NUFIP2: variants seen among roughly 807,000 people sequenced by gnomAD.
NUFIP2 encodes FMR1-interacting protein NUFIP2.
A neutral mutation model predicts 56.9 loss-of-function variants in NUFIP2; 6 were observed. The observed-to-expected ratio is 0.11, with a 90% CI of 0.06 to 0.21. The LOEUF (loss-of-function observed/expected upper bound fraction) is 0.21. Among genes scored for constraint, NUFIP2 ranks in the 10% least tolerant of loss-of-function variants. NUFIP2 has a pLI of 1.00. For missense variants in NUFIP2, 828 were observed against 826.8 expected (o/e 1.00, Z -0.02); for synonymous variants, 321 against 298.2 (o/e 1.08, Z -0.79).
chr17:29,273,700 TA>T (rs943265344), intron 2 of NUFIP2, among the ~76,000 whole-genome samples: 3 of 152,212 alleles, frequency 2.0e-5, no homozygotes, highest in Non-Finnish European at 2.9e-5. Context: ...AGAACCTAAG[TA>T]AAAGTTTTTG....
intron 1 of NUFIP2, among the ~76,000 whole-genome samples, chr17:29,292,494 G>A (rs2069220861): frequency 1.3e-5 from 2 of 151,586 alleles, no homozygotes; most frequent in South Asian, 2.1e-4. Flanking sequence ...AGCGAACCTG[G>A]CAGGAGACGA....
At position 29,287,596 on chromosome 17, in the gene NUFIP2, G is replaced by C; in HGVS notation, c.398C>G (p.Thr133Ser). The change falls in exon 2 of 4, where the codon ACT becomes AGT. Residue 133 changes from threonine to serine, a missense_variant. Transcript: ENST00000225388. The stretch of plus-strand genomic sequence containing the variant: ...GGCCTTTACAGTCTGCTTCAGGCTA[G>C]TGTCTACAACTTGCTGGTTGCCATT... ...VLNGNQQVVDTSLKQTVKANT... is the reference protein window; with the variant it reads ...VLNGNQQVVDSSLKQTVKANT... The C allele has an allele frequency of 1.2e-6, 2 of 1,614,124 alleles. No individual in the cohort carries two copies.
Position 29,256,150 on chromosome 17 carries a change from C to T in NUFIP2, c.*8389G>A, listed in dbSNP as rs1404569881. 6.6e-6 allele frequency: 1 copy of T among 152,162 alleles called. No individual in the cohort carries two copies. Among genetic ancestry groups the T allele is most frequent in the African/African-American group, 2.4e-5 (1 of 41,446 alleles). The allele number at this position is 152,162 out of a possible 1,614,324, so 9.4% of individuals were successfully genotyped here. ...GACCTATATTTTTGACTGGGCAAAA[C>T]AAACATTGAAACTTTTTTTTGAGCG... On this transcript the variant is annotated 3_prime_UTR_variant, in exon 4 of 4. Coordinates refer to ENST00000225388, the MANE Select transcript of NUFIP2 (RefSeq NM_020772.3).
chr17:29,282,638 T>A (rs373922731), intron 2 of NUFIP2, among the ~76,000 whole-genome samples: 36 of 152,060 alleles, frequency 2.4e-4, no homozygotes, highest in African/African-American at 8.4e-4. Flanking sequence ...AGAAGTGACA[T>A]AACGCACTCT....
rs1000709280 is a variant in NUFIP2, at chr17:29,260,469, G to C, written c.*4070C>G. 3.3e-5 allele frequency: 5 copies of C among 152,192 alleles called. No homozygotes were observed. Among genetic ancestry groups the C allele is most frequent in the Non-Finnish European group, 7.3e-5 (5 of 68,042 alleles). The allele number at this position is 152,192 out of a possible 1,614,324, so 9.4% of individuals were successfully genotyped here. The stretch of plus-strand genomic sequence containing the variant: ...GACTTTTAATCTATTTCTCTGAAGA[G>C]AGCCTTGTAGGAATGACTCCGTCCT... On this transcript the variant is annotated 3_prime_UTR_variant, in exon 4 of 4. Coordinates refer to ENST00000225388, the MANE Select transcript of NUFIP2 (RefSeq NM_020772.3).
rs954989434 is a variant in NUFIP2 at position 29,257,190 on chromosome 17, T to C, written c.*7349A>G. The C allele has an allele frequency of 1.3e-5, 2 of 152,228 alleles. No homozygotes were observed. The highest frequency in any genetic ancestry group is 2.9e-5 in the Non-Finnish European group (2 of 68,026). 9.4% of individuals were successfully genotyped at this position (152,228 alleles called of 1,614,324 possible). On this transcript the variant is annotated 3_prime_UTR_variant, in exon 4 of 4. Coordinates refer to ENST00000225388, the MANE Select transcript of NUFIP2 (RefSeq NM_020772.3). The stretch of plus-strand genomic sequence containing the variant: ...TCGTTTAAATTGAACTTTATTAAAA[T>C]AGGTGCCAGTTTTCCTCTCTCCTAG...
rs757762030 is a variant in NUFIP2, at chr17:29,256,664, T to TA, written c.*7874dup. ...TCTCCTACAAAGGTCCTGAACCAAT[T>TA]AAAAAAAAAAAAACTTTAAAAAAGA... On this transcript the variant is annotated 3_prime_UTR_variant, in exon 4 of 4. Coordinates refer to ENST00000225388, the MANE Select transcript of NUFIP2 (RefSeq NM_020772.3). 375 of 144,074 alleles carry TA rather than the reference T, an allele frequency of 2.6e-3. No homozygotes were observed. The highest frequency in any genetic ancestry group is 5.8e-3 in the East Asian group (29 of 5,004). 8.9% of individuals were successfully genotyped at this position (144,074 alleles called of 1,614,324 possible). A position where few individuals can be genotyped will look rare whatever the true frequency, so the allele number is the denominator to read the frequency against.
At chr17:29,265,711 T>TA (rs35098158) in intron 3 of NUFIP2, among the ~76,000 whole-genome samples, 3,933 of 112,116 alleles carry the variant, frequency 0.035, 93 homozygotes, top group Non-Finnish European at 0.049. Context: ...TATACATGCT[T>TA]AAAAAAAAAA....
At position 29,261,962 on chromosome 17, in the gene NUFIP2, CAG is replaced by C. The variant is rs143960646; in HGVS notation, c.*2575_*2576del. The C allele has an allele frequency of 0.17, 25,576 of 152,412 alleles. 2,872 individuals are homozygous for C. Among genetic ancestry groups the C allele is most frequent in the East Asian group, 0.54 (2,764 of 5,146 alleles). The allele number at this position is 152,412 out of a possible 1,614,324, so 9.4% of individuals were successfully genotyped here. ...AGACTCTCAAAAACCTTTGGACAGACAGAGAAGTGATACATTCTTTTTGGCTT... is the reference window on the plus strand; with the variant it reads ...AGACTCTCAAAAACCTTTGGACAGACAGAAGTGATACATTCTTTTTGGCTT... On this transcript the variant is annotated 3_prime_UTR_variant, in exon 4 of 4. Coordinates refer to ENST00000225388, the MANE Select transcript of NUFIP2 (RefSeq NM_020772.3).
At chr17:29,267,574 A>G (rs777976449) in intron 2 of NUFIP2, 44 bp from the exon 3 acceptor site, 4 of 1,224,646 alleles carry the variant, frequency 3.3e-6, no homozygotes, top group Non-Finnish European at 4.7e-6. Flanking sequence ...TTTGGTGAGC[A>G]AAGTCTGAAG....
At chr17:29,279,343 T>A (rs888980815) in intron 2 of NUFIP2, among the ~76,000 whole-genome samples, 8 of 152,140 alleles carry the variant, frequency 5.3e-5, no homozygotes, top group Non-Finnish European at 1.0e-4. Context: ...AAAAGCTTTT[T>A]AAAAAATTTT....
At chr17:29,276,032 A>ATATATATATATATATATC (rs1334539047) in intron 2 of NUFIP2, among the ~76,000 whole-genome samples, 6 of 147,354 alleles carry the variant, frequency 4.1e-5, no homozygotes, top group African/African-American at 1.5e-4. Flanking sequence ...CGTCTCAAAT[A>ATATATATATATATATATC]TATATATATA....
chr17:29,283,699 A>G (rs2069153652), intron 2 of NUFIP2, among the ~76,000 whole-genome samples: 1 of 152,230 alleles, frequency 6.6e-6, no homozygotes, highest in South Asian at 2.1e-4. Context: ...AATAGTCTCT[A>G]GAGGGCAGAC....
chr17:29,257,225 T>C lies in NUFIP2; in HGVS notation c.*7314A>G, dbSNP rs1219870208. 1 of 152,204 alleles carries C rather than the reference T, an allele frequency of 6.6e-6. No individual in the cohort carries two copies. Among genetic ancestry groups the C allele is most frequent in the East Asian group, 1.9e-4 (1 of 5,202 alleles). 9.4% of individuals were successfully genotyped at this position (152,204 alleles called of 1,614,324 possible). ...TTTTCCTCTCTCCTAGTTCCACTGA[T>C]GAGCTAGCCCAGAACTATGTAACTT... On this transcript the variant is annotated 3_prime_UTR_variant, in exon 4 of 4. Coordinates refer to ENST00000225388, the MANE Select transcript of NUFIP2 (RefSeq NM_020772.3).
chr17:29,287,180 G>C lies in NUFIP2; in HGVS notation c.814C>G (p.Arg272Gly), dbSNP rs2069182348. The change falls in exon 2 of 4, where the codon CGA becomes GGA. Residue 272 changes from arginine to glycine, a missense_variant. Arg to Gly is a moderately radical substitution (Grantham distance 125). Transcript: ENST00000225388. ...CAAATGGGCTTCGAACCATCTACTC[G>C]ATTTCCCTTTTGTTCACTATAGTCA... ...KPDYSEQKGNRVDGSKPIWKY... is the reference protein window; with the variant it reads ...KPDYSEQKGNGVDGSKPIWKY... 1 of 1,613,920 alleles carries C rather than the reference G, an allele frequency of 6.2e-7. No individual in the cohort carries two copies. Among genetic ancestry groups the C allele is most frequent in the African/African-American group, 1.3e-5 (1 of 74,876 alleles).
chr17:29,279,783 G>A (rs1484405289), intron 2 of NUFIP2, among the ~76,000 whole-genome samples: 1 of 152,080 alleles, frequency 6.6e-6, no homozygotes, highest in African/African-American at 2.4e-5. Context: ...AAAATGCTAG[G>A]ATTATAGGCA....
At chr17:29,274,362 A>G (rs533224968) in intron 2 of NUFIP2, among the ~76,000 whole-genome samples, 3 of 152,276 alleles carry the variant, frequency 2.0e-5, no homozygotes, top group South Asian at 2.1e-4. Context: ...AGTCTCAGCT[A>G]CTCAGGAGGC....
chr17:29,282,753 A>AT (rs2069148079), intron 2 of NUFIP2, among the ~76,000 whole-genome samples: 1 of 152,158 alleles, frequency 6.6e-6, no homozygotes, highest in African/African-American at 2.4e-5. Context: ...ACTCACTTAG[A>AT]GATTACTACT....
intron 2 of NUFIP2, among the ~76,000 whole-genome samples, chr17:29,278,152 G>T (rs554204021): frequency 1.1e-4 from 17 of 152,218 alleles, no homozygotes; most frequent in African/African-American, 7.2e-5. Flanking sequence ...AGGATAAGAA[G>T]AATTATCCAG....
Sources: gnomAD v4.1 joint callset for allele counts (sites outside exome capture counted in the v4.1 genomes callset) on GRCh38, gnomAD v4.1.1 for gene constraint, MANE v1.5 for transcripts, NCBI Gene and HGNC (gene_info 2026-07-23, HGNC 2026-07-21) for gene names.